The following CALML4 variants were observed in gnomAD, a reference collection of about 807,000 sequenced individuals.
CALML4 encodes calmodulin-like protein 4.
A neutral mutation model predicts 17.9 loss-of-function variants in CALML4; 16 were observed. The observed-to-expected ratio is 0.89, with a 90% CI of 0.61 to 1.36. The LOEUF is 1.36. Among genes scored for constraint, CALML4 ranks in the 40% most tolerant of loss-of-function variants. The probability of loss-of-function intolerance (pLI) is 0.00; values close to 1 mark genes in which losing one functional copy is unlikely to be tolerated. For synonymous variants in CALML4, 86 were observed against 71.5 expected (o/e 1.20, Z -1.02); for missense variants, 203 against 194.8 (o/e 1.04, Z -0.25).
At position 68,197,545 on chromosome 15, in the gene CALML4, G is replaced by GA. The variant is rs748832470; in HGVS notation, c.258dup (p.Leu87SerfsTer38). 6.2e-7 allele frequency: 1 copy of GA among 1,614,114 alleles called. No individual in the cohort carries two copies. Among genetic ancestry groups the GA allele is most frequent in the African/African-American group, 1.3e-5 (1 of 75,024 alleles). On this transcript the variant is annotated frameshift_variant, in exon 4 of 5. Transcript: ENST00000467889. LOFTEE classifies it high-confidence loss of function. This position sits in a 1 kb window ranked among gnomAD's most constrained non-coding sequence, Gnocchi z 4.1. ...TTGTCCACCATCAACATGGCTAGAA[G>GA]AATTTCTTTCTTTGGGTCTTCTTGT...
In CALML4 at chr15:68,197,402, C is replaced by T; in HGVS notation, c.364+38G>A. ...GGTGCCCTCCTTCCAACTCCCTAAC[C>T]CCCTCCAACTGTTGGGAGACAGGAC... On this transcript the variant is annotated intron_variant, in intron 4 of 4. Transcript: ENST00000467889. The surrounding 1 kb of genome is among the most constrained non-coding windows in gnomAD (Gnocchi z 4.1). The T allele has an allele frequency of 3.8e-6, 6 of 1,596,428 alleles. No homozygotes were observed. In the African/African-American group the frequency reaches 4.0e-5, roughly 11 times the overall value.
chr15:68,205,053 G>C lies in CALML4; in HGVS notation c.34+68C>G. The stretch of plus-strand genomic sequence containing the variant: ...CTTCCTTCCCACCAAGAAAACATGA[G>C]CAGAGCAAATTGCCTAATGAGACCC... On this transcript the variant is annotated intron_variant, in intron 2 of 4. Coordinates refer to ENST00000467889, the MANE Select transcript of CALML4 (RefSeq NM_033429.3). The surrounding 1 kb of genome is among the most constrained non-coding windows in gnomAD (Gnocchi z 4.8). 6.4e-7 allele frequency: 1 copy of C among 1,566,196 alleles called. No homozygotes were observed. The highest frequency in any genetic ancestry group is 8.8e-7 in the Non-Finnish European group (1 of 1,137,186).
At chr15:68,205,369 G>A (rs897847190), upstream of CALML4, 2 of 1,613,690 alleles carry the variant, frequency 1.2e-6, no homozygotes, top group African/African-American at 2.7e-5. The surrounding 1 kb of genome is among the most constrained non-coding windows in gnomAD (Gnocchi z 4.8). Context: ...TAAATGCTCG[G>A]CTGCCATGGA....
chr15:68,195,046 C>CA (rs35627887), intron 4 of CALML4, among the ~76,000 whole-genome samples: 8,300 of 130,620 alleles, frequency 0.064, 356 homozygotes, highest in African/African-American at 0.14. Context: ...TCCATCACTC[C>CA]AAAAAAAAAA....
At chr15:68,195,322 T>G (rs1474993772) in intron 4 of CALML4, among the ~76,000 whole-genome samples, 1 of 152,216 alleles carries the variant, frequency 6.6e-6, no homozygotes, top group Non-Finnish European at 1.5e-5. Flanking sequence ...CTCGAAAGTA[T>G]AATCACCATG....
intron 2 of CALML4, 131 bp from the exon 3 acceptor site, chr15:68,199,812 C>T: frequency 1.0e-6 from 1 of 971,900 alleles, no homozygotes; most frequent in Admixed American, 2.6e-5. Context: ...CTCTCCCCTC[C>T]CAAGGGTGCT....
intron 2 of CALML4, among the ~76,000 whole-genome samples, chr15:68,202,224 A>C (rs1008270933): frequency 6.6e-6 from 1 of 152,252 alleles, no homozygotes; most frequent in Admixed American, 6.5e-5. Flanking sequence ...TCATAAATGT[A>C]CTTGTGTCCT....
At chr15:68,201,099 A>AG (rs1234072861) in intron 2 of CALML4, among the ~76,000 whole-genome samples, 4 of 152,196 alleles carry the variant, frequency 2.6e-5, no homozygotes, top group East Asian at 1.9e-4. Context: ...GTAGGATTTC[A>AG]GGGGGGTCAC....
intron 3 of CALML4, 35 bp downstream of exon 3, chr15:68,199,506 C>T (rs540175064): frequency 4.4e-6 from 7 of 1,590,274 alleles, no homozygotes; most frequent in Non-Finnish European, 6.0e-6. Flanking sequence ...CTGCTGGGCC[C>T]CTCCCCTCTC....
Position 68,200,479 on chromosome 15 carries a change from C to T in CALML4, c.35-798G>A, listed in dbSNP as rs749966962. Among the ~76,000 whole-genome samples the T allele has an allele frequency of 1.3e-5, 2 of 152,330 alleles. No individual in the cohort carries two copies. The highest frequency in any genetic ancestry group is 1.9e-4 in the East Asian group (1 of 5,178). ...TAGCTCCCCTAAACCCACAGACTCC[C>T]GGCCTGACACAGCCATCCCACGGGC... On this transcript the variant is annotated intron_variant, in intron 2 of 4. Transcript: ENST00000467889. This position sits in a 1 kb window ranked among gnomAD's most constrained non-coding sequence, Gnocchi z 4.3.
chr15:68,194,220 T>C (rs2093132992), intron 4 of CALML4, 108 bp from the exon 5 acceptor site: 1 of 752,730 alleles, frequency 1.3e-6, no homozygotes, highest in African/African-American at 1.7e-5. Context: ...GAGCGTGCAG[T>C]TGACTATTCC....
rs1020488849 is a variant in CALML4 at position 68,190,837 on chromosome 15, T to C, written c.*3178A>G. 6.6e-6 allele frequency: 1 copy of C among 152,232 alleles called. No homozygotes were observed. The highest frequency in any genetic ancestry group is 2.4e-5 in the African/African-American group (1 of 41,468). 9.4% of individuals were successfully genotyped at this position (152,232 alleles called of 1,614,324 possible). ...CATTAAAATTGCTTTACTAATTATT[T>C]AGACATGATCACAATTCTGTATCTT... On this transcript the variant is annotated 3_prime_UTR_variant, in exon 5 of 5. Coordinates refer to ENST00000467889, the MANE Select transcript of CALML4 (RefSeq NM_033429.3). The surrounding 1 kb of genome is among the most constrained non-coding windows in gnomAD (Gnocchi z 4.7).
In CALML4 at chr15:68,197,347, G is replaced by T; in HGVS notation, c.364+93C>A. On this transcript the variant is annotated intron_variant, in intron 4 of 4. Coordinates refer to ENST00000467889, the MANE Select transcript of CALML4 (RefSeq NM_033429.3). This position sits in a 1 kb window ranked among gnomAD's most constrained non-coding sequence, Gnocchi z 4.1. Reference sequence around the variant, plus strand: ...GCGCGCGCATCAACAGAGGTGGTCTGTACCACCCTGGTGGCATCAGCTAGG... The same window carrying T: ...GCGCGCGCATCAACAGAGGTGGTCTTTACCACCCTGGTGGCATCAGCTAGG... 2.3e-6 allele frequency: 3 copies of T among 1,277,932 alleles called. No individual in the cohort carries two copies. The highest frequency in any genetic ancestry group is 2.2e-6 in the Non-Finnish European group (2 of 908,482). 79.2% of individuals were successfully genotyped at this position (1,277,932 alleles called of 1,614,324 possible).
At position 68,197,150 on chromosome 15, in the gene CALML4, G is replaced by C. The variant is rs983180303; in HGVS notation, c.364+290C>G. On this transcript the variant is annotated intron_variant, in intron 4 of 4. Transcript: ENST00000467889. The surrounding 1 kb of genome is among the most constrained non-coding windows in gnomAD (Gnocchi z 4.1). ...CCCCACAGTGAGAGCTTGAACACAG[G>C]GGGAGACCAGACTGCACGCTCCAGC... 9.2e-5 allele frequency among the ~76,000 whole-genome samples: 4 copies of C among 43,446 alleles called. No individual in the cohort carries two copies. Among genetic ancestry groups the C allele is most frequent in the Non-Finnish European group, 1.5e-4 (2 of 13,530 alleles). 28.5% of individuals were successfully genotyped at this position (43,446 alleles called of 152,430 possible).
Position 68,199,528 on chromosome 15 carries a change from C to T in CALML4, c.175+13G>A. ...GCCCCTCCCCTCTCCCCGTTGTTCC[C>T]ACCACCACTCACCTATCCCGTGGGT... On this transcript the variant is annotated intron_variant, in intron 3 of 4. Coordinates refer to ENST00000467889, the MANE Select transcript of CALML4 (RefSeq NM_033429.3). 6.2e-7 allele frequency: 1 copy of T among 1,606,186 alleles called. No homozygotes were observed. Among genetic ancestry groups the T allele is most frequent in the South Asian group, 1.1e-5 (1 of 89,846 alleles).
At position 68,192,865 on chromosome 15, in the gene CALML4, G is replaced by A. The variant is rs2141119003; in HGVS notation, c.*1150C>T. 6.6e-6 allele frequency: 1 copy of A among 152,364 alleles called. No individual in the cohort carries two copies. The highest frequency in any genetic ancestry group is 2.1e-4 in the South Asian group (1 of 4,818). 9.4% of individuals were successfully genotyped at this position (152,364 alleles called of 1,614,324 possible). A position where few individuals can be genotyped will look rare whatever the true frequency, so the allele number is the denominator to read the frequency against. On this transcript the variant is annotated 3_prime_UTR_variant, in exon 5 of 5. Coordinates refer to ENST00000467889, the MANE Select transcript of CALML4 (RefSeq NM_033429.3). ...TACTTGAAGCCCTGCACCCCTACCT[G>A]TGTTGGTGTGGTACTCCAGCCCTTT...
At chr15:68,196,587 G>T (rs571480390) in intron 4 of CALML4, among the ~76,000 whole-genome samples, 10 of 152,194 alleles carry the variant, frequency 6.6e-5, no homozygotes, top group African/African-American at 2.4e-4. Context: ...CTAAGGTCGG[G>T]GTCCCTGGCC....
In CALML4 at chr15:68,194,122, A is replaced by G. The variant is rs540766733; in HGVS notation, c.365-10T>C. The G allele has an allele frequency of 1.3e-5, 21 of 1,604,308 alleles. No individual in the cohort carries two copies. The Admixed American group carries it at 2.3e-4, about 18-fold the overall frequency. On this transcript the variant is annotated splice_polypyrimidine_tract_variant and intron_variant, in intron 4 of 4. Coordinates refer to ENST00000467889, the MANE Select transcript of CALML4 (RefSeq NM_033429.3). The stretch of plus-strand genomic sequence containing the variant: ...CTGAAGAGATCATCCACTGCAATAA[A>G]TCACATTTAATTTTTCAGTTTGGCT...
rs1442163173 is a variant in CALML4 at position 68,197,560 on chromosome 15, G to A, written c.244C>T (p.Pro82Ser). 3.1e-6 allele frequency: 5 copies of A among 1,613,904 alleles called. No individual in the cohort carries two copies. The Admixed American group carries it at 6.7e-5, about 22-fold the overall frequency. The change falls in exon 4 of 5, where the codon CCA becomes TCA. Residue 82 changes from proline (P) to serine (S), a missense_variant. Coordinates refer to ENST00000467889, the MANE Select transcript of CALML4 (RefSeq NM_033429.3). This position sits in a 1 kb window ranked among gnomAD's most constrained non-coding sequence, Gnocchi z 4.1. ...ATGGCTAGAAGAATTTCTTTCTTTG[G>A]GTCTTCTTGTTTTATTTGCATGTGC... Reference protein sequence around the residue: ...IMHMQIKQEDPKKEILLAMLM... With the variant: ...IMHMQIKQEDSKKEILLAMLM...
Sources: gnomAD v4.1 joint callset for allele counts (sites outside exome capture counted in the v4.1 genomes callset) on GRCh38, gnomAD v4.1.1 for gene constraint, Gnocchi (gnomAD v3.1) non-coding constraint, MANE v1.5 for transcripts, NCBI Gene and HGNC (gene_info 2026-07-23, HGNC 2026-07-21) for gene names.